KIRREL1: variants seen among roughly 807,000 people sequenced by gnomAD.
The protein encoded by KIRREL1 is kirre like nephrin family adhesion molecule 1.
In KIRREL1, 25 loss-of-function variants were observed where a neutral mutation model predicts 83.3. The observed-to-expected ratio is 0.30, with a 90% CI of 0.22 to 0.42. The LOEUF (loss-of-function observed/expected upper bound fraction) is 0.42. Among genes scored for constraint, KIRREL1 ranks in the 10% least tolerant of loss-of-function variants. KIRREL1 has a pLI of 1.00. For synonymous variants in KIRREL1, 388 were observed against 410.4 expected (o/e 0.95, Z 0.66); for missense variants, 812 against 1,032.3 (o/e 0.79, Z 2.92).
At chr1:158,036,097 G>C (rs989477845) in intron 1 of KIRREL1, among the ~76,000 whole-genome samples, 6 of 152,196 alleles carry the variant, frequency 3.9e-5, no homozygotes, top group Admixed American at 3.3e-4. Flanking sequence ...ATTACTAAAA[G>C]TGTTGTAGTT....
At chr1:158,083,730 G>A (rs916798910) in intron 3 of KIRREL1, among the ~76,000 whole-genome samples, 2 of 152,154 alleles carry the variant, frequency 1.3e-5, no homozygotes, top group African/African-American at 4.8e-5. Flanking sequence ...CCACCTTTCC[G>A]AGCCAGACTC....
At chr1:157,997,534 A>G (rs1238417092) in intron 1 of KIRREL1, among the ~76,000 whole-genome samples, 1 of 151,884 alleles carries the variant, frequency 6.6e-6, no homozygotes, top group African/African-American at 2.4e-5. Flanking sequence ...GGGCTTCAGT[A>G]AGTGCCTTCT....
chr1:158,086,784 T>C, intron 5 of KIRREL1, 38 bp downstream of exon 5: 1 of 1,227,230 alleles, frequency 8.1e-7, no homozygotes, highest in Non-Finnish European at 1.2e-6. Context: ...AGCAGGGGGG[T>C]GGAAGAAGGG....
chr1:157,996,717 A>G (rs1410380872), intron 1 of KIRREL1, among the ~76,000 whole-genome samples: 1 of 152,204 alleles, frequency 6.6e-6, no homozygotes. Context: ...TTCTGCCCAG[A>G]GCAGGGCGCT....
chr1:158,048,627 C>T (rs1660836258), intron 1 of KIRREL1, among the ~76,000 whole-genome samples: 1 of 152,098 alleles, frequency 6.6e-6, no homozygotes, highest in African/African-American at 2.4e-5. Flanking sequence ...TGAAGTGAAA[C>T]ACCTACGAAG....
intron 1 of KIRREL1, among the ~76,000 whole-genome samples, chr1:158,070,700 G>A (rs1474621967): frequency 6.6e-6 from 1 of 152,176 alleles, no homozygotes; most frequent in Non-Finnish European, 1.5e-5. Context: ...CTTATGGGGT[G>A]TGTGTGGTGA....
intron 1 of KIRREL1, among the ~76,000 whole-genome samples, chr1:158,074,592 C>T (rs41432146): frequency 6.6e-6 from 1 of 151,994 alleles, no homozygotes; most frequent in Non-Finnish European, 1.5e-5. Flanking sequence ...GAGGAAACCC[C>T]GTACATAGTG....
Position 158,097,934 on chromosome 1 carries a change from G to A in KIRREL1, c.*2814G>A, listed in dbSNP as rs550382694. The A allele has an allele frequency of 1.3e-5, 2 of 152,238 alleles. No individual in the cohort carries two copies. The highest frequency in any genetic ancestry group is 2.1e-4 in the South Asian group (1 of 4,804). 9.4% of individuals were successfully genotyped at this position (152,238 alleles called of 1,614,324 possible). A position where few individuals can be genotyped will look rare whatever the true frequency, so the allele number is the denominator to read the frequency against. On this transcript the variant is annotated 3_prime_UTR_variant, in exon 15 of 15. Coordinates refer to ENST00000359209, the MANE Select transcript of KIRREL1 (RefSeq NM_018240.7). ...GTCTGGCCTGTAAAATGAAGGGGGA[G>A]GGTTGCATAAACCTAAAACTATTCT...
intron 1 of KIRREL1, among the ~76,000 whole-genome samples, chr1:158,066,647 G>A (rs781145682): frequency 6.6e-6 from 1 of 152,208 alleles, no homozygotes; most frequent in East Asian, 1.9e-4. Flanking sequence ...AGGGAGGCAG[G>A]TGCAGGGCCT....
intron 1 of KIRREL1, among the ~76,000 whole-genome samples, chr1:158,005,666 G>A (rs1279130349): frequency 6.6e-6 from 1 of 152,052 alleles, no homozygotes; most frequent in Admixed American, 6.6e-5. Flanking sequence ...TTAAAAACTG[G>A]GTCATGAGCA....
chr1:158,027,958 T>C (rs902314649), intron 1 of KIRREL1, among the ~76,000 whole-genome samples: 10 of 152,142 alleles, frequency 6.6e-5, no homozygotes, highest in African/African-American at 2.4e-4. Flanking sequence ...GAAGGAATGA[T>C]AGAGACCACT....
At chr1:158,028,099 G>A (rs1660222297) in intron 1 of KIRREL1, among the ~76,000 whole-genome samples, 1 of 152,186 alleles carries the variant, frequency 6.6e-6, no homozygotes. Context: ...GGTAGGGTCT[G>A]CTCATTCCTG....
At chr1:158,028,905 C>T (rs1660243401) in intron 1 of KIRREL1, among the ~76,000 whole-genome samples, 1 of 152,192 alleles carries the variant, frequency 6.6e-6, no homozygotes, top group Non-Finnish European at 1.5e-5. Flanking sequence ...TTCCACTGCA[C>T]AACACTGTCT....
intron 1 of KIRREL1, among the ~76,000 whole-genome samples, chr1:158,049,637 C>G (rs1409495002): frequency 6.6e-6 from 1 of 152,028 alleles, no homozygotes; most frequent in African/African-American, 2.4e-5. Context: ...TGGGAATGGA[C>G]TTAAGAGAAG....
chr1:158,082,006 G>A (rs547685801), intron 3 of KIRREL1, among the ~76,000 whole-genome samples: 80 of 152,280 alleles, frequency 5.3e-4, no homozygotes, highest in African/African-American at 1.8e-3. Context: ...CAGACCAGGA[G>A]GCCCTGAGCA....
chr1:158,084,274 A>G, intron 3 of KIRREL1, 148 bp from the exon 4 acceptor site: 5 of 659,154 alleles, frequency 7.6e-6, no homozygotes, highest in Non-Finnish European at 1.3e-5. Flanking sequence ...AGCAATGAAG[A>G]CAGTGGTTGT....
intron 1 of KIRREL1, among the ~76,000 whole-genome samples, chr1:158,074,483 G>A (rs1019974857): frequency 1.3e-5 from 2 of 152,166 alleles, no homozygotes; most frequent in Admixed American, 6.5e-5. Flanking sequence ...GGAGATGTTG[G>A]CATTCTGCTG....
At chr1:158,049,889 A>G (rs567597217) in intron 1 of KIRREL1, among the ~76,000 whole-genome samples, 55 of 152,232 alleles carry the variant, frequency 3.6e-4, no homozygotes, top group African/African-American at 1.2e-3. Flanking sequence ...AATGCAGCTG[A>G]AAAGACCCGT....
rs534058419 is a variant in KIRREL1 at position 158,072,839 on chromosome 1, G to A, written c.53-3274G>A. Reference sequence around the variant, plus strand: ...AGAAAGCCTAGAAAGTGAGCAGTGAGGTGCAGGCCTCGGACAGGGCATGGC... The same window carrying A: ...AGAAAGCCTAGAAAGTGAGCAGTGAAGTGCAGGCCTCGGACAGGGCATGGC... On this transcript the variant is annotated intron_variant, in intron 1 of 14. Transcript: ENST00000359209. 2.7e-5 allele frequency among the ~76,000 whole-genome samples: 4 copies of A among 149,832 alleles called. No individual in the cohort carries two copies. The East Asian group carries it at 8.1e-4, about 30-fold the overall frequency.
Sources: gnomAD v4.1 joint callset for allele counts (sites outside exome capture counted in the v4.1 genomes callset) on GRCh38, gnomAD v4.1.1 for gene constraint, MANE v1.5 for transcripts, NCBI Gene and HGNC (gene_info 2026-07-23, HGNC 2026-07-21) for gene names.